Variants in HBS1L observed in about 807,000 individuals in gnomAD.
HBS1L encodes the protein HBS1 like translational GTPase.
A neutral mutation model predicts 88.9 loss-of-function variants in HBS1L; 55 were observed. The observed-to-expected ratio is 0.62, with a 90% CI of 0.50 to 0.77. The LOEUF (loss-of-function observed/expected upper bound fraction) is 0.77, where lower values mean the gene tolerates loss of function less well. Ranked by LOEUF, HBS1L falls within the 30% of genes least tolerant of loss-of-function variation. The pLI, the probability that HBS1L is intolerant of heterozygous loss-of-function variation, is 0.00. For missense variants in HBS1L, 741 were observed against 829.3 expected, an observed-to-expected ratio of 0.89 and a Z score of 1.31; for synonymous variants, 267 against 288.5, an observed-to-expected ratio of 0.93 and a Z score of 0.76.
chr6:135,052,268 G>A (rs1324852106), intron 1 of HBS1L, among the ~76,000 whole-genome samples: 1 of 152,092 alleles, frequency 6.6e-6, no homozygotes, highest in Non-Finnish European at 1.5e-5. Context: ...AAATAAACAA[G>A]GGGCCATTCA....
At chr6:135,040,117 G>C (rs532751631) in intron 3 of HBS1L, among the ~76,000 whole-genome samples, 8 of 152,210 alleles carry the variant, frequency 5.3e-5, no homozygotes, top group African/African-American at 1.9e-4. Flanking sequence ...AGAAAGGAAG[G>C]GGTGAGTGTG....
intron 1 of HBS1L, among the ~76,000 whole-genome samples, chr6:135,052,063 A>G (rs544105495): frequency 1.3e-5 from 2 of 152,332 alleles, no homozygotes; most frequent in African/African-American, 4.8e-5. Flanking sequence ...CCATTAATAT[A>G]ATATCCAAAC....
intron 10 of HBS1L, 96 bp downstream of exon 10, chr6:134,986,640 T>C (rs1774986364): frequency 2.0e-6 from 1 of 501,534 alleles, no homozygotes; most frequent in Non-Finnish European, 3.4e-6. Flanking sequence ...GAGAATTAAA[T>C]AAATTTAATA....
rs1774222884 is a variant in HBS1L, at chr6:134,963,106, G to T, written c.*2173C>A. ...CACAGTCTTATATAATATACAGAGT[G>T]GATGGTTTCTTGTTTTTACTCCCCC... is the stretch of plus-strand genomic sequence containing the variant. On this transcript the variant is annotated 3_prime_UTR_variant, in exon 18 of 18. Transcript: ENST00000367837. 1 of 152,072 alleles carries T rather than the reference G, an allele frequency of 6.6e-6. No homozygotes were observed. The highest frequency in any genetic ancestry group is 1.5e-5 in the Non-Finnish European group (1 of 68,018). 9.4% of individuals were successfully genotyped at this position (152,072 alleles called of 1,614,324 possible).
chr6:134,972,020 G>A (rs1405861741), intron 15 of HBS1L, among the ~76,000 whole-genome samples: 1 of 152,142 alleles, frequency 6.6e-6, no homozygotes, highest in Non-Finnish European at 1.5e-5. Context: ...ATAAGTTCTG[G>A]TGCAGAAACA....
intron 4 of HBS1L, among the ~76,000 whole-genome samples, chr6:135,025,097 C>G (rs1776189379): frequency 6.6e-6 from 1 of 152,182 alleles, no homozygotes; most frequent in South Asian, 2.1e-4. Context: ...AAAAATACAT[C>G]CAGTTTAAGA....
intron 8 of HBS1L, among the ~76,000 whole-genome samples, chr6:134,990,647 C>A (rs975419645): frequency 4.6e-5 from 7 of 152,218 alleles, no homozygotes; most frequent in African/African-American, 1.7e-4. Context: ...ACTTCCTGAG[C>A]TCAGGTGATT....
chr6:135,013,243 T>C (rs926171071), intron 4 of HBS1L, among the ~76,000 whole-genome samples: 14 of 152,206 alleles, frequency 9.2e-5, no homozygotes, highest in African/African-American at 3.4e-4. Context: ...GTAAAGTACA[T>C]GTAATGACTG....
chr6:134,973,461 T>C (rs568275571), intron 15 of HBS1L, among the ~76,000 whole-genome samples: 18 of 152,342 alleles, frequency 1.2e-4, no homozygotes, highest in African/African-American at 4.1e-4. Context: ...AATGGGAAGA[T>C]ACTGTGTCAT....
intron 4 of HBS1L, among the ~76,000 whole-genome samples, chr6:135,031,142 A>C (rs1228160542): frequency 6.6e-6 from 1 of 152,144 alleles, no homozygotes; most frequent in Non-Finnish European, 1.5e-5. Flanking sequence ...CCTAACAAAT[A>C]AAAGATATTA....
intron 15 of HBS1L, among the ~76,000 whole-genome samples, chr6:134,976,543 A>G (rs567960464): frequency 6.6e-6 from 1 of 152,236 alleles, no homozygotes; most frequent in East Asian, 1.9e-4. Flanking sequence ...GAGAAAACGT[A>G]TATGTACACC....
intron 16 of HBS1L, among the ~76,000 whole-genome samples, chr6:134,968,040 G>C (rs1392986465): frequency 2.0e-5 from 3 of 152,094 alleles, no homozygotes; most frequent in African/African-American, 7.2e-5. Flanking sequence ...AGAGCAATGT[G>C]AGATTTTCTC....
chr6:135,014,407 G>A (rs1775858775), intron 4 of HBS1L, among the ~76,000 whole-genome samples: 1 of 152,170 alleles, frequency 6.6e-6, no homozygotes, highest in Non-Finnish European at 1.5e-5. Flanking sequence ...ACACAAAGGT[G>A]AGTGACAGAC....
chr6:135,033,674 T>G (rs1211668329), intron 4 of HBS1L, among the ~76,000 whole-genome samples: 1 of 152,200 alleles, frequency 6.6e-6, no homozygotes, highest in Non-Finnish European at 1.5e-5. Flanking sequence ...GGAGACCTAG[T>G]TCACCCTAGA....
intron 4 of HBS1L, among the ~76,000 whole-genome samples, chr6:135,009,926 G>A (rs745634764): frequency 9.9e-5 from 15 of 151,868 alleles, no homozygotes; most frequent in Non-Finnish European, 1.9e-4. Context: ...CACCGTGCCC[G>A]GCCTAAATAT....
chr6:135,032,700 G>A (rs541533148), intron 4 of HBS1L, among the ~76,000 whole-genome samples: 10 of 152,156 alleles, frequency 6.6e-5, no homozygotes, highest in African/African-American at 1.9e-4. Flanking sequence ...CTCTATAACC[G>A]TATTTTATCT....
intron 4 of HBS1L, chr6:135,035,812 A>G (rs1465670986): frequency 8.7e-6 from 4 of 459,636 alleles, no homozygotes; most frequent in Non-Finnish European, 1.1e-5. Flanking sequence ...AGCAGAAGCT[A>G]AAGAGATCTG....
At chr6:135,027,950 A>G (rs1050496908) in intron 4 of HBS1L, among the ~76,000 whole-genome samples, 3 of 152,028 alleles carry the variant, frequency 2.0e-5, no homozygotes, top group Non-Finnish European at 4.4e-5. Context: ...TATTTTTGGT[A>G]GAGATGGGGT....
intron 13 of HBS1L, among the ~76,000 whole-genome samples, chr6:134,981,715 G>A (rs1042424830): frequency 6.6e-6 from 1 of 151,728 alleles, no homozygotes; most frequent in Admixed American, 6.6e-5. Context: ...AGAAGTCAGA[G>A]GCTTAGTTGG....
Sources: allele counts gnomAD v4.1 joint callset (sites outside exome capture counted in the v4.1 genomes callset), GRCh38; gene constraint gnomAD v4.1.1; transcripts MANE v1.5; gene names NCBI Gene and HGNC (gene_info 2026-07-23, HGNC 2026-07-21).